Variants in GNPNAT1 observed in about 807,000 individuals in gnomAD.
GNPNAT1 encodes glucosamine-phosphate N-acetyltransferase 1, also known as glucosamine 6-phosphate N-acetyltransferase.
Under a neutral mutation model 19.8 loss-of-function variants are expected in GNPNAT1, and 11 were observed. That is an observed-to-expected ratio of 0.56 (90% CI 0.35 to 0.92). The LOEUF is 0.92. Ranked by LOEUF, GNPNAT1 falls within the 40% of genes least tolerant of loss-of-function variation. GNPNAT1 has a pLI of 0.01. For missense variants in GNPNAT1, 157 were observed against 211.0 expected (o/e 0.74, Z 1.59); for synonymous variants, 71 against 72.3 (o/e 0.98, Z 0.09).
chr14:52,781,699 ATG>A, intron 4 of GNPNAT1, 83 bp downstream of exon 4: 1 of 1,291,562 alleles, frequency 7.7e-7, no homozygotes, highest in Non-Finnish European at 1.1e-6. Flanking sequence ...CTGAAAATCA[ATG>A]AGAAAACAGA....
At chr14:52,785,914 G>A (rs78265073) in intron 1 of GNPNAT1, among the ~76,000 whole-genome samples, 75,693 of 149,830 alleles carry the variant, frequency 0.51, 19,245 homozygotes, top group South Asian at 0.56. Context: ...CGCCCAGCTA[G>A]TTTTTTTTGT....
chr14:52,788,977 T>C (rs539759902), intron 1 of GNPNAT1, among the ~76,000 whole-genome samples: 4 of 152,332 alleles, frequency 2.6e-5, no homozygotes, highest in East Asian at 3.9e-4. Flanking sequence ...CTAACACTTA[T>C]TGAAAACTTT....
At chr14:52,789,986 CA>C (rs200756037) in intron 1 of GNPNAT1, among the ~76,000 whole-genome samples, 1,631 of 107,134 alleles carry the variant, frequency 0.015, 8 homozygotes, top group African/African-American at 0.04. Flanking sequence ...TCCAGAAGGA[CA>C]AAAAAAAAAA....
chr14:52,783,619 A>C, intron 2 of GNPNAT1, 134 bp from the exon 3 acceptor site: 1 of 627,984 alleles, frequency 1.6e-6, no homozygotes, highest in Non-Finnish European at 2.8e-6. Context: ...TAATTATTAG[A>C]ATAAAGTGAA....
intron 1 of GNPNAT1, among the ~76,000 whole-genome samples, 197 bp from the exon 2 acceptor site, chr14:52,784,861 T>TA (rs371924556): frequency 2.6e-4 from 38 of 147,908 alleles, no homozygotes; most frequent in Admixed American, 2.7e-4. Flanking sequence ...TACTATCAGA[T>TA]AAAAAAATGG....
Position 52,784,606 on chromosome 14 carries a change from T to C in GNPNAT1, c.45A>G (p.Lys15=), listed in dbSNP as rs1882968746. ...CTGTATTCTGACTCCAGTCCACTTC[T>C]TTGAGTAGACTTGGGTCAAACATAG... ...ETPMFDPSLL[K]EVDWSQNTAT... is the part of the protein sequence containing the mutation. The change falls in exon 2 of 6, where the codon AAA becomes AAG. Residue 15 remains lysine, a synonymous_variant. Transcript: ENST00000216410. 1.9e-6 allele frequency: 3 copies of C among 1,598,072 alleles called. No individual in the cohort carries two copies. The highest frequency in any genetic ancestry group is 2.6e-6 in the Non-Finnish European group (3 of 1,169,832).
intron 1 of GNPNAT1, among the ~76,000 whole-genome samples, chr14:52,785,330 T>G (rs895189924): frequency 6.6e-6 from 1 of 152,192 alleles, no homozygotes; most frequent in Non-Finnish European, 1.5e-5. Flanking sequence ...TGTTCTTGGA[T>G]TTTATTATTG....
intron 3 of GNPNAT1, 41 bp from the exon 4 acceptor site, chr14:52,781,952 C>A: frequency 6.5e-7 from 1 of 1,531,148 alleles, no homozygotes; most frequent in South Asian, 1.3e-5. Context: ...AGTAGACATT[C>A]AATTTTATGG....
intron 4 of GNPNAT1, 155 bp downstream of exon 4, chr14:52,781,629 T>C (rs976623548): frequency 1.6e-6 from 1 of 640,216 alleles, no homozygotes; most frequent in African/African-American, 1.9e-5. Context: ...TTCATACTGT[T>C]ATACATTTTC....
rs766737565 is a variant in GNPNAT1 at position 52,778,413 on chromosome 14, G to A, written c.453C>T (p.Tyr151=). Residue 151 remains tyrosine (Y), a synonymous_variant, in exon 6 of 6, where the codon TAC becomes TAT. Transcript: ENST00000216410. ...GTGGTAGACATTCAAGGGTAATCTT[G>A]TAACAGTTCAGTTTCTTGCTTAGCA... ...LTLLSKKLNC[Y]KITLECLPQN... is the part of the protein sequence containing the mutation. The A allele has an allele frequency of 2.5e-6, 4 of 1,609,952 alleles. No individual in the cohort carries two copies. Among genetic ancestry groups the A allele is most frequent in the Non-Finnish European group, 3.4e-6 (4 of 1,178,512 alleles).
chr14:52,788,832 G>A (rs1883083339), intron 1 of GNPNAT1, among the ~76,000 whole-genome samples: 1 of 152,282 alleles, frequency 6.6e-6, no homozygotes, highest in South Asian at 2.1e-4. Context: ...GAGGGAAGAA[G>A]TATACAGGAA....
At position 52,780,713 on chromosome 14, in the gene GNPNAT1, T is replaced by C; in HGVS notation, c.373A>G (p.Ser125Gly). The change falls in exon 5 of 6, where the codon AGT becomes GGT. Residue 125 changes from serine (S) to glycine (G), a missense_variant. Transcript: ENST00000216410. The stretch of plus-strand genomic sequence containing the variant: ...AGCTGCTTTCCTCTGCATTCATCAC[T>C]AACAACAACATCTTCTACTCTTCCT... ...KRGRVEDVVV[S>G]DECRGKQLGK... The C allele has an allele frequency of 6.2e-7, 1 of 1,605,064 alleles. No homozygotes were observed.
In GNPNAT1 at chr14:52,784,589, T is replaced by G. The variant is rs1882967747; in HGVS notation, c.62A>C (p.Gln21Pro). 1.9e-6 allele frequency: 3 copies of G among 1,607,188 alleles called. No homozygotes were observed. Among genetic ancestry groups the G allele is most frequent in the Non-Finnish European group, 2.6e-6 (3 of 1,175,980 alleles). Reference sequence around the variant, plus strand: ...GGCTGGAGAAAATGTAGCTGTATTCTGACTCCAGTCCACTTCTTTGAGTAG... The same window carrying G: ...GGCTGGAGAAAATGTAGCTGTATTCGGACTCCAGTCCACTTCTTTGAGTAG... ...PSLLKEVDWS[Q>P]NTATFSPAIS... The change falls in exon 2 of 6, where the codon CAG (glutamine) becomes CCG (proline). Residue 21 changes from glutamine (Q) to proline (P), a missense_variant. Gln to Pro is a moderately conservative substitution (Grantham distance 76). Coordinates refer to ENST00000216410, the MANE Select transcript of GNPNAT1 (RefSeq NM_198066.4).
In GNPNAT1 at chr14:52,791,177, G is replaced by GT. The variant is rs1883166128; in HGVS notation, c.-15+250dup. On this transcript the variant is annotated intron_variant, in intron 1 of 5. Transcript: ENST00000216410. The surrounding 1 kb of genome is among the most constrained non-coding windows in gnomAD (Gnocchi z 4.1). ...CCAGCCCTGCCAGGCCAAGACCAGCGTATGGCCGGACCGCTGGCCATCATC... is the reference window on the plus strand; with the variant it reads ...CCAGCCCTGCCAGGCCAAGACCAGCGTTATGGCCGGACCGCTGGCCATCATC... Among the ~76,000 whole-genome samples, 1 of 152,182 alleles carries GT rather than the reference G, an allele frequency of 6.6e-6. No homozygotes were observed. The highest frequency in any genetic ancestry group is 1.5e-5 in the Non-Finnish European group (1 of 68,024).
intron 1 of GNPNAT1, among the ~76,000 whole-genome samples, chr14:52,785,586 G>C (rs1008774970): frequency 6.6e-6 from 1 of 151,270 alleles, no homozygotes; most frequent in Non-Finnish European, 1.5e-5. Context: ...AGTCGGGCGT[G>C]GTGGCGCATG....
chr14:52,786,963 T>C (rs1387625374), intron 1 of GNPNAT1, among the ~76,000 whole-genome samples: 2 of 151,486 alleles, frequency 1.3e-5, no homozygotes, highest in Non-Finnish European at 2.9e-5. Flanking sequence ...TCATTTGTGT[T>C]TCATATACAT....
chr14:52,791,146 C>T lies in GNPNAT1; in HGVS notation c.-15+282G>A, dbSNP rs2139979169. On this transcript the variant is annotated intron_variant, in intron 1 of 5. Coordinates refer to ENST00000216410, the MANE Select transcript of GNPNAT1 (RefSeq NM_198066.4). The surrounding 1 kb of genome is among the most constrained non-coding windows in gnomAD (Gnocchi z 4.1). ...GGGGAGCGAAGTTCCGACCCCAGTCCCAGTTCCAGCCCTGCCAGGCCAAGA... is the reference window on the plus strand; with the variant it reads ...GGGGAGCGAAGTTCCGACCCCAGTCTCAGTTCCAGCCCTGCCAGGCCAAGA... 6.6e-6 allele frequency among the ~76,000 whole-genome samples: 1 copy of T among 152,330 alleles called. No homozygotes were observed. Among genetic ancestry groups the T allele is most frequent in the Middle Eastern group, 3.4e-3 (1 of 294 alleles).
chr14:52,788,111 T>C, intron 1 of GNPNAT1, among the ~76,000 whole-genome samples: 1 of 152,044 alleles, frequency 6.6e-6, no homozygotes, highest in East Asian at 2.0e-4. Context: ...CCATTCAAAA[T>C]AGGTTTTTTG....
intron 4 of GNPNAT1, among the ~76,000 whole-genome samples, chr14:52,781,348 T>C (rs542220056): frequency 5.1e-4 from 77 of 152,258 alleles, no homozygotes; most frequent in Non-Finnish European, 1.0e-3. Context: ...TCTCATTGAA[T>C]TAAGGTTTTC....
Sources: gnomAD v4.1 joint callset for allele counts (sites outside exome capture counted in the v4.1 genomes callset) on GRCh38, gnomAD v4.1.1 for gene constraint, Gnocchi (gnomAD v3.1) non-coding constraint, MANE v1.5 for transcripts, NCBI Gene and HGNC (gene_info 2026-07-23, HGNC 2026-07-21) for gene names.